HS3ST4: variants seen among roughly 807,000 people sequenced by gnomAD.
HS3ST4 encodes the protein heparan sulfate glucosamine 3-O-sulfotransferase 4.
In HS3ST4, 17 loss-of-function variants were observed where a neutral mutation model predicts 29.2. The observed-to-expected ratio is 0.58, with a 90% CI of 0.40 to 0.87. The LOEUF (loss-of-function observed/expected upper bound fraction) is 0.87, where lower values mean the gene tolerates loss of function less well. HS3ST4 is among the 40% of genes least tolerant of loss of function. The pLI is 0.00. For missense variants in HS3ST4, 627 were observed against 634.5 expected, an observed-to-expected ratio of 0.99 and a Z score of 0.13; for synonymous variants, 314 against 285.7, an observed-to-expected ratio of 1.10 and a Z score of -1.00.
intron 1 of HS3ST4, among the ~76,000 whole-genome samples, chr16:26,022,945 G>A (rs1028663458): frequency 2.2e-4 from 34 of 152,160 alleles, no homozygotes; most frequent in Non-Finnish European, 4.3e-4. Flanking sequence ...GGGAGGCTGA[G>A]GCAGGAGAAT....
Position 25,938,158 on chromosome 16 carries a change from C to T in HS3ST4, c.735-197454C>T, listed in dbSNP as rs140328727. 3.3e-3 allele frequency among the ~76,000 whole-genome samples: 508 copies of T among 152,234 alleles called. 1 individual carries two copies. Among genetic ancestry groups the T allele is most frequent in the African/African-American group, 0.012 (491 of 41,548 alleles). On this transcript the variant is annotated intron_variant, in intron 1 of 1. Transcript: ENST00000331351. ...TCCCCAAAGTCAAGCATAGCATTAG[C>T]AGTAGTCACCAATCAGGACAGCTGG...
intron 1 of HS3ST4, among the ~76,000 whole-genome samples, chr16:25,954,674 C>G (rs918661133): frequency 6.6e-6 from 1 of 152,016 alleles, no homozygotes; most frequent in Non-Finnish European, 1.5e-5. Flanking sequence ...ATCCAAAATC[C>G]AAAATGCTTC....
chr16:25,842,381 C>G (rs115279785), intron 1 of HS3ST4, among the ~76,000 whole-genome samples: 290 of 152,286 alleles, frequency 1.9e-3, no homozygotes, highest in African/African-American at 6.8e-3. Context: ...GGACTTCTTC[C>G]AATCTGCTCT....
At chr16:25,939,118 C>T (rs1309983286) in intron 1 of HS3ST4, among the ~76,000 whole-genome samples, 2 of 151,928 alleles carry the variant, frequency 1.3e-5, no homozygotes, top group African/African-American at 4.8e-5. Flanking sequence ...ATGCAGAGAC[C>T]AGAAACACAC....
intron 1 of HS3ST4, among the ~76,000 whole-genome samples, chr16:25,835,144 T>G (rs1315848037): frequency 6.6e-6 from 1 of 152,222 alleles, no homozygotes; most frequent in Non-Finnish European, 1.5e-5. Context: ...TTATGCCTAT[T>G]TAATGTCTAA....
chr16:25,743,381 A>C (rs1966666897), intron 1 of HS3ST4, among the ~76,000 whole-genome samples: 1 of 152,242 alleles, frequency 6.6e-6, no homozygotes, highest in Admixed American at 6.5e-5. Context: ...TAGTGTTATC[A>C]CATAATCACT....
At chr16:25,849,431 G>T (rs996115924) in intron 1 of HS3ST4, among the ~76,000 whole-genome samples, 4 of 152,056 alleles carry the variant, frequency 2.6e-5, no homozygotes, top group Admixed American at 2.0e-4. Context: ...AATCGTTTTG[G>T]TATATTTATT....
intron 1 of HS3ST4, among the ~76,000 whole-genome samples, chr16:25,710,808 CTTTTTTTTT>C (rs34759495): frequency 2.9e-4 from 14 of 48,548 alleles, no homozygotes; most frequent in African/African-American, 1.0e-3. Flanking sequence ...GCATATTATC[CTTTTTTTTT>C]TTTTTTTTTT....
At chr16:25,726,156 T>C (rs995250792) in intron 1 of HS3ST4, among the ~76,000 whole-genome samples, 12 of 152,258 alleles carry the variant, frequency 7.9e-5, no homozygotes, top group African/African-American at 2.4e-4. Flanking sequence ...GCTTTGTTAC[T>C]GCATGAATTT....
intron 1 of HS3ST4, among the ~76,000 whole-genome samples, chr16:26,058,950 G>C (rs1221615682): frequency 6.6e-6 from 1 of 152,160 alleles, no homozygotes. Flanking sequence ...GTTCCAACCT[G>C]GGGGCTGGGA....
intron 1 of HS3ST4, among the ~76,000 whole-genome samples, chr16:25,834,671 C>T (rs1358000706): frequency 1.3e-5 from 2 of 152,128 alleles, no homozygotes; most frequent in Non-Finnish European, 1.5e-5. Flanking sequence ...GAAGGCCAGG[C>T]GTGGTGGCTC....
chr16:25,831,429 A>G (rs1039908656), intron 1 of HS3ST4, among the ~76,000 whole-genome samples: 63 of 150,198 alleles, frequency 4.2e-4, no homozygotes, highest in Non-Finnish European at 4.4e-4. Flanking sequence ...ACACACACAC[A>G]CACACACACA....
At chr16:25,900,841 C>A (rs532606482) in intron 1 of HS3ST4, among the ~76,000 whole-genome samples, 1 of 152,196 alleles carries the variant, frequency 6.6e-6, no homozygotes, top group East Asian at 1.9e-4. Context: ...TCCCACTATA[C>A]CCTGCAAAAT....
At chr16:25,896,547 G>A (rs1370587592) in intron 1 of HS3ST4, among the ~76,000 whole-genome samples, 1 of 152,186 alleles carries the variant, frequency 6.6e-6, no homozygotes, top group African/African-American at 2.4e-5. Context: ...TACACTGCTG[G>A]TGGGAATGTT....
intron 1 of HS3ST4, among the ~76,000 whole-genome samples, chr16:25,765,467 G>A (rs1966812255): frequency 1.3e-5 from 2 of 152,122 alleles, no homozygotes; most frequent in Non-Finnish European, 2.9e-5. Context: ...ACATGGACCT[G>A]GATTCTAAAT....
intron 1 of HS3ST4, among the ~76,000 whole-genome samples, chr16:25,986,349 A>C (rs1407771287): frequency 6.6e-6 from 1 of 152,190 alleles, no homozygotes; most frequent in Non-Finnish European, 1.5e-5. Context: ...CACTTCTATT[A>C]GGTTGGCTTT....
chr16:25,872,423 GGTTCTTCT>G lies in HS3ST4; in HGVS notation c.734+179276_734+179283del, dbSNP rs1967764842. Reference sequence around the variant, plus strand: ...TTGCATGATTCTGTGCTGGTTGGGTGGTTCTTCTGTTTGTGGGCAGACTCAGCTGATCT... The same window carrying G: ...TTGCATGATTCTGTGCTGGTTGGGTGGTTTGTGGGCAGACTCAGCTGATCT... On this transcript the variant is annotated intron_variant, in intron 1 of 1. Transcript: ENST00000331351. Among the ~76,000 whole-genome samples the G allele has an allele frequency of 2.0e-5, 3 of 152,178 alleles. No individual in the cohort carries two copies. In the South Asian group the frequency reaches 6.2e-4, roughly 31 times the overall value.
chr16:25,841,310 A>T (rs956971065), intron 1 of HS3ST4, among the ~76,000 whole-genome samples: 3 of 148,524 alleles, frequency 2.0e-5, no homozygotes, highest in Non-Finnish European at 4.5e-5. Context: ...CGGCCACTTT[A>T]TTTTTTTGAA....
chr16:25,899,671 AT>A (rs561490560), intron 1 of HS3ST4, among the ~76,000 whole-genome samples: 279 of 142,602 alleles, frequency 2.0e-3, no homozygotes, highest in Middle Eastern at 3.8e-3. Flanking sequence ...ACGCTCAGCT[AT>A]TTTTTTTTTT....
Sources: gnomAD v4.1 joint callset for allele counts (sites outside exome capture counted in the v4.1 genomes callset) on GRCh38, gnomAD v4.1.1 for gene constraint, MANE v1.5 for transcripts, NCBI Gene and HGNC (gene_info 2026-07-23, HGNC 2026-07-21) for gene names.